RHOA: variants seen among roughly 807,000 people sequenced by gnomAD.
The protein encoded by RHOA is ras homolog family member A, also known as transforming protein RhoA.
RHOA carries 3 observed loss-of-function variants against 17.5 expected under a neutral mutation model. The observed-to-expected ratio is 0.17, with a 90% CI of 0.08 to 0.44. The LOEUF is 0.44. Among genes scored for constraint, RHOA ranks in the 20% least tolerant of loss-of-function variants. The pLI is 0.99. For synonymous variants in RHOA, 98 were observed against 88.4 expected (o/e 1.11, Z -0.61); for missense variants, 56 against 242.3 (o/e 0.23, Z 5.10).
At chr3:49,395,298 G>GA (rs1392579048) in intron 1 of RHOA, among the ~76,000 whole-genome samples, 11 of 152,070 alleles carry the variant, frequency 7.2e-5, no homozygotes, top group African/African-American at 2.6e-4. Flanking sequence ...AATAAGGGTG[G>GA]AAAGATGGGG....
intron 1 of RHOA, among the ~76,000 whole-genome samples, chr3:49,410,427 AG>A (rs1175248572): frequency 1.3e-5 from 2 of 152,210 alleles, no homozygotes; most frequent in African/African-American, 4.8e-5. Context: ...GAGAACAGAG[AG>A]GATAAATCTA....
At chr3:49,384,639 T>C (rs572402301) in intron 1 of RHOA, among the ~76,000 whole-genome samples, 1 of 152,168 alleles carries the variant, frequency 6.6e-6, no homozygotes, top group Non-Finnish European at 1.5e-5. Context: ...CCCAAGTAGC[T>C]AGGAGTACAG....
chr3:49,372,413 C>A (rs1386795520), intron 2 of RHOA, among the ~76,000 whole-genome samples: 1 of 152,152 alleles, frequency 6.6e-6, no homozygotes, highest in Non-Finnish European at 1.5e-5. Flanking sequence ...TAAGAGCAAT[C>A]ATCGTGGCTC....
rs576275812 is a variant in RHOA at position 49,370,455 on chromosome 3, G to A, written c.157-1907C>T. 5.3e-5 allele frequency among the ~76,000 whole-genome samples: 8 copies of A among 152,272 alleles called. No homozygotes were observed. The East Asian group carries it at 1.2e-3, about 22-fold the overall frequency. ...GCGAGAGAGGAAGATACAAGACTAA[G>A]TAAATTTTCTGCTATAATGTGGAAA... On this transcript the variant is annotated intron_variant, in intron 2 of 4. Coordinates refer to ENST00000418115, the MANE Select transcript of RHOA (RefSeq NM_001664.4).
intron 1 of RHOA, among the ~76,000 whole-genome samples, chr3:49,403,928 A>G (rs1408778943): frequency 4.0e-5 from 6 of 151,834 alleles, no homozygotes; most frequent in Non-Finnish European, 8.8e-5. Context: ...TTTTATTCCA[A>G]GAAATCTTAG....
At chr3:49,361,649 G>A (rs534067652) in intron 4 of RHOA, among the ~76,000 whole-genome samples, 13 of 151,842 alleles carry the variant, frequency 8.6e-5, no homozygotes, top group South Asian at 2.1e-4. Flanking sequence ...GGGAGGCCAA[G>A]GCGGGCAGAT....
At chr3:49,402,434 T>C (rs1342615368) in intron 1 of RHOA, among the ~76,000 whole-genome samples, 1 of 152,130 alleles carries the variant, frequency 6.6e-6, no homozygotes, top group Non-Finnish European at 1.5e-5. Flanking sequence ...TTCACACCTA[T>C]AATCCCACCA....
At chr3:49,387,740 CAAAAAA>C (rs747822212) in intron 1 of RHOA, among the ~76,000 whole-genome samples, 89 of 62,972 alleles carry the variant, frequency 1.4e-3, no homozygotes, top group Non-Finnish European at 2.2e-3. Context: ...CTCCAGGTCT[CAAAAAA>C]AAAAAACAAA....
At chr3:49,402,931 G>C (rs961780726) in intron 1 of RHOA, among the ~76,000 whole-genome samples, 1 of 151,912 alleles carries the variant, frequency 6.6e-6, no homozygotes, top group African/African-American at 2.4e-5. Flanking sequence ...CAGCTACTCG[G>C]GAGGCTGAAG....
At chr3:49,387,117 C>CAAAAAAAAA (rs56262356) in intron 1 of RHOA, among the ~76,000 whole-genome samples, 5 of 24,642 alleles carry the variant, frequency 2.0e-4, no homozygotes, top group South Asian at 3.0e-3. Flanking sequence ...AACTCCGTCT[C>CAAAAAAAAA]AAAAAAAAAA....
chr3:49,374,511 G>C (rs888409718), intron 2 of RHOA, among the ~76,000 whole-genome samples: 2 of 152,052 alleles, frequency 1.3e-5, no homozygotes, highest in African/African-American at 2.4e-5. Flanking sequence ...CTGAGGTCAG[G>C]AGCTTGAGAC....
chr3:49,401,134 CA>C (rs1464874953), intron 1 of RHOA, among the ~76,000 whole-genome samples: 1 of 151,104 alleles, frequency 6.6e-6, no homozygotes, highest in Non-Finnish European at 1.5e-5. Context: ...CTAGGGCCTT[CA>C]AATTTACTTC....
At chr3:49,361,914 A>G (rs1350815609) in intron 4 of RHOA, among the ~76,000 whole-genome samples, 1 of 150,866 alleles carries the variant, frequency 6.6e-6, no homozygotes, top group African/African-American at 2.4e-5. Context: ...GAGGCCAGGC[A>G]CAGTGGCTCA....
intron 1 of RHOA, among the ~76,000 whole-genome samples, chr3:49,407,790 C>T (rs2048859566): frequency 6.6e-6 from 1 of 152,034 alleles, no homozygotes; most frequent in Non-Finnish European, 1.5e-5. Flanking sequence ...TTTCCTTTCA[C>T]TCCACTTCAA....
At chr3:49,363,676 A>C (rs984144639) in intron 3 of RHOA, among the ~76,000 whole-genome samples, 2 of 151,660 alleles carry the variant, frequency 1.3e-5, no homozygotes, top group African/African-American at 4.8e-5. Flanking sequence ...ACATGGCGAA[A>C]CCTCATCTCT....
intron 1 of RHOA, among the ~76,000 whole-genome samples, chr3:49,399,127 T>C (rs1377066183): frequency 7.0e-6 from 1 of 142,454 alleles, no homozygotes; most frequent in Non-Finnish European, 1.5e-5. Flanking sequence ...CCCAGCACTC[T>C]GGGAGGCCGA....
At chr3:49,404,208 C>T (rs532488745) in intron 1 of RHOA, among the ~76,000 whole-genome samples, 6 of 150,392 alleles carry the variant, frequency 4.0e-5, no homozygotes, top group Non-Finnish European at 5.9e-5. Context: ...GAGGACGAGG[C>T]GTAAGGATAC....
At chr3:49,368,667 A>T (rs1459245661) in intron 2 of RHOA, 119 bp from the exon 3 acceptor site, 1 of 1,038,914 alleles carries the variant, frequency 9.6e-7, no homozygotes, top group Non-Finnish European at 1.5e-6. Context: ...AGACGGTCTA[A>T]AACAGTAAAA....
intron 1 of RHOA, among the ~76,000 whole-genome samples, chr3:49,397,683 T>C (rs906851053): frequency 1.3e-5 from 2 of 151,578 alleles, no homozygotes; most frequent in Middle Eastern, 3.2e-3. Context: ...ATGCAGAAAA[T>C]GATGATGCAG....
Sources: allele counts gnomAD v4.1 joint callset (sites outside exome capture counted in the v4.1 genomes callset), GRCh38; gene constraint gnomAD v4.1.1; transcripts MANE v1.5; gene names NCBI Gene and HGNC (gene_info 2026-07-23, HGNC 2026-07-21).